Variants in CNGB1 observed in about 807,000 individuals in gnomAD.
CNGB1 encodes cyclic nucleotide gated channel subunit beta 1.
CNGB1 carries 126 observed loss-of-function variants against 151.7 expected under a neutral mutation model. The observed-to-expected ratio is 0.83, with a 90% CI of 0.72 to 0.96. The LOEUF is 0.96. Ranked by LOEUF, CNGB1 falls within the 40% of genes least tolerant of loss-of-function variation. The pLI is 0.00. For missense variants in CNGB1, 1,698 were observed against 1,627.0 expected (o/e 1.04, Z -0.75); for synonymous variants, 623 against 635.1 (o/e 0.98, Z 0.29).
chr16:57,957,995 C>T (rs1962134552), intron 11 of CNGB1, among the ~76,000 whole-genome samples: 1 of 152,216 alleles, frequency 6.6e-6, no homozygotes, highest in South Asian at 2.1e-4. Flanking sequence ...AGCGCTCCCC[C>T]TGGCCACTCA....
intron 12 of CNGB1, among the ~76,000 whole-genome samples, chr16:57,955,571 G>GTGAATGTGACCTTATT (rs1567394763): frequency 1.3e-5 from 2 of 152,198 alleles, no homozygotes; most frequent in Non-Finnish European, 2.9e-5. Flanking sequence ...CCCATTACTT[G>GTGAATGTGACCTTATT]TGAATGTGAC....
intron 11 of CNGB1, 146 bp from the exon 12 acceptor site, chr16:57,957,523 G>A: frequency 1.4e-6 from 1 of 733,876 alleles, no homozygotes; most frequent in South Asian, 1.5e-5. Context: ...TCCCTGCTGT[G>A]CCCAGGGCCA....
intron 10 of CNGB1, among the ~76,000 whole-genome samples, chr16:57,959,306 T>C (rs1433184095): frequency 6.6e-6 from 1 of 151,260 alleles, no homozygotes; most frequent in African/African-American, 2.4e-5. Context: ...ATTTTTCAGG[T>C]TAAGAAAAAA....
intron 12 of CNGB1, among the ~76,000 whole-genome samples, chr16:57,956,623 G>C (rs1962093309): frequency 6.6e-6 from 1 of 152,164 alleles, no homozygotes; most frequent in Admixed American, 6.5e-5. Flanking sequence ...CTTGTGTTCA[G>C]GATGGAACAG....
At position 57,883,671 on chromosome 16, in the gene CNGB1, G is replaced by A. The variant is rs73562940; in HGVS notation, c.*493C>T. The A allele has an allele frequency of 0.011, 1,937 of 177,430 alleles. 31 individuals carry two copies. The highest frequency in any genetic ancestry group is 0.043 in the African/African-American group (1,793 of 41,732). The allele number at this position is 177,430 out of a possible 1,614,324, so 11.0% of individuals were successfully genotyped here. On this transcript the variant is annotated 3_prime_UTR_variant, in exon 33 of 33. Transcript: ENST00000251102. ...TGGCCTCCAGTGATCCTCCTGCTTC[G>A]GCTTCCCAAAGCACTGGGATTATAG... is the stretch of plus-strand genomic sequence containing the variant.
chr16:57,962,059 G>A (rs62041773), intron 7 of CNGB1, among the ~76,000 whole-genome samples: 3,844 of 152,310 alleles, frequency 0.025, 75 homozygotes, highest in Non-Finnish European at 0.04. Context: ...CAGCAAGGAA[G>A]AGGCAGTTGA....
At chr16:57,906,866 C>T (rs1471759298) in intron 25 of CNGB1, among the ~76,000 whole-genome samples, 1 of 152,086 alleles carries the variant, frequency 6.6e-6, no homozygotes, top group Non-Finnish European at 1.5e-5. Context: ...TCTGTGGGGA[C>T]CATCTGTGCT....
chr16:57,936,533 C>T (rs1961512474), intron 16 of CNGB1, among the ~76,000 whole-genome samples: 1 of 152,202 alleles, frequency 6.6e-6, no homozygotes, highest in African/African-American at 2.4e-5. Context: ...TGGCTTATGC[C>T]TGTAATCCCA....
chr16:57,917,161 T>G, intron 21 of CNGB1, 107 bp downstream of exon 21: 4 of 919,842 alleles, frequency 4.3e-6, no homozygotes, highest in Non-Finnish European at 7.0e-6. Flanking sequence ...GAGATTTCCT[T>G]ATTCACTTAT....
At chr16:57,960,432 C>G (rs745536297) in intron 9 of CNGB1, 50 bp downstream of exon 9, 3 of 1,600,140 alleles carry the variant, frequency 1.9e-6, no homozygotes, top group South Asian at 2.2e-5. Flanking sequence ...TCCCTGAGCC[C>G]AGCCCGTGAC....
chr16:57,953,430 G>T (rs1962008904), intron 12 of CNGB1, among the ~76,000 whole-genome samples: 1 of 149,512 alleles, frequency 6.7e-6, no homozygotes, highest in African/African-American at 2.5e-5. Context: ...GGGAGGTAGA[G>T]GTTGCAGTGA....
In CNGB1 at chr16:57,884,214, G is replaced by A. The variant is rs576639139; in HGVS notation, c.3706C>T (p.Gln1236Ter). The change falls in exon 33 of 33, where the codon CAG becomes TAG. Residue 1236 changes from glutamine (Q) to a stop codon, truncating the protein, a stop_gained. Coordinates refer to ENST00000251102, the MANE Select transcript of CNGB1 (RefSeq NM_001297.5). LOFTEE classifies it high-confidence loss of function. ...CMSPGPEPGEQILSVKMPEER... is the reference protein window; with the variant it reads ...CMSPGPEPGE Reference sequence around the variant, plus strand: ...TCCGGCATCTTCACCGACAGGATCTGCTCTCCCGGCTCCGGGCCCGGGCTC... The same window carrying A: ...TCCGGCATCTTCACCGACAGGATCTACTCTCCCGGCTCCGGGCCCGGGCTC... 2 of 1,613,850 alleles carry A rather than the reference G, an allele frequency of 1.2e-6. No homozygotes were observed. The highest frequency in any genetic ancestry group is 2.7e-5 in the African/African-American group (2 of 74,934).
At position 57,931,860 on chromosome 16, in the gene CNGB1, T is replaced by C; in HGVS notation, c.1391A>G (p.His464Arg). ...ASSGVPATKQ[H>R]PEVQVEDTDA... The stretch of plus-strand genomic sequence containing the variant: ...AGTATCTTCCACCTGCACTTCTGGG[T>C]GCTGTTTCGTGGCAGGCACTGGGGG... Residue 464 changes from histidine to arginine, a missense_variant, in exon 17 of 33, where the codon CAC (histidine) becomes CGC (arginine). Physicochemically the swap from His to Arg is conservative, Grantham distance 29 (BLOSUM62 0). Coordinates refer to ENST00000251102, the MANE Select transcript of CNGB1 (RefSeq NM_001297.5). 1 of 1,614,052 alleles carries C rather than the reference T, an allele frequency of 6.2e-7. No homozygotes were observed.
intron 24 of CNGB1, among the ~76,000 whole-genome samples, chr16:57,912,552 C>G (rs1244140714): frequency 6.6e-6 from 1 of 151,618 alleles, no homozygotes; most frequent in East Asian, 1.9e-4. Flanking sequence ...GCTGTCTGTT[C>G]TAGGTGCAAA....
chr16:57,915,540 T>C (rs1027206273), intron 22 of CNGB1, among the ~76,000 whole-genome samples: 3 of 152,160 alleles, frequency 2.0e-5, no homozygotes, highest in Non-Finnish European at 2.9e-5. Flanking sequence ...AAGGGCAGCT[T>C]CATTATCCTC....
At position 57,964,673 on chromosome 16, in the gene CNGB1, T is replaced by A. The variant is rs1459752717; in HGVS notation, c.160-129A>T. 8 of 914,226 alleles carry A rather than the reference T, an allele frequency of 8.8e-6. No individual in the cohort carries two copies. The Admixed American group carries it at 1.6e-4, about 18-fold the overall frequency. 56.6% of individuals were successfully genotyped at this position (914,226 alleles called of 1,614,324 possible). A position where few individuals can be genotyped will look rare whatever the true frequency, so the allele number is the denominator to read the frequency against. Reference sequence around the variant, plus strand: ...CTGAACGACTCTTTCCTCAGGATCATCTCTGTAAATCCTGTTGGCCTTACC... The same window carrying A: ...CTGAACGACTCTTTCCTCAGGATCAACTCTGTAAATCCTGTTGGCCTTACC... On this transcript the variant is annotated intron_variant, in intron 2 of 32. Transcript: ENST00000251102.
chr16:57,895,521 T>C (rs1960199006), intron 31 of CNGB1, among the ~76,000 whole-genome samples: 1 of 149,204 alleles, frequency 6.7e-6, no homozygotes, highest in Non-Finnish European at 1.5e-5. Flanking sequence ...ATGTATTTTA[T>C]ATATACATAA....
intron 16 of CNGB1, among the ~76,000 whole-genome samples, chr16:57,933,289 A>C (rs2149372947): frequency 6.6e-6 from 1 of 152,338 alleles, no homozygotes; most frequent in South Asian, 2.1e-4. Flanking sequence ...AATCAAGGGT[A>C]ACAGACTGTG....
chr16:57,920,346 C>T, intron 19 of CNGB1, 41 bp downstream of exon 19: 1 of 1,611,998 alleles, frequency 6.2e-7, no homozygotes, highest in Non-Finnish European at 8.5e-7. Context: ...AGGCCCCACC[C>T]CATCCCCATC....
Sources: gnomAD v4.1 joint callset for allele counts (sites outside exome capture counted in the v4.1 genomes callset) on GRCh38, gnomAD v4.1.1 for gene constraint, MANE v1.5 for transcripts, NCBI Gene and HGNC (gene_info 2026-07-23, HGNC 2026-07-21) for gene names.